Variants in QTGAL observed in about 807,000 individuals in gnomAD.
The protein encoded by QTGAL is queuosine-tRNA galactosyltransferase.
At chr17:83,051,705 C>A in the QTGAL span, 2 of 1,464,042 alleles carry the variant, frequency 1.4e-6, no homozygotes, top group East Asian at 2.9e-5. Flanking sequence ...ACCCAGCCTG[C>A]ACGGCGGGGC....
the QTGAL span, among the ~76,000 whole-genome samples, chr17:83,044,213 A>G: frequency 6.6e-6 from 1 of 152,166 alleles, no homozygotes; most frequent in Non-Finnish European, 1.5e-5. Flanking sequence ...AGCCCTTACA[A>G]ATATATATAT....
At chr17:82,945,175 A>G in the QTGAL span, 1 of 152,250 alleles carries the variant, frequency 6.6e-6, no homozygotes, top group Non-Finnish European at 1.5e-5. Context: ...AGTGAAATGA[A>G]AAGCTCAATG....
chr17:82,993,846 A>T, the QTGAL span, among the ~76,000 whole-genome samples: 4 of 152,146 alleles, frequency 2.6e-5, no homozygotes, highest in Non-Finnish European at 4.4e-5. Flanking sequence ...CTAGAAATCA[A>T]TAAGAGGAAT....
the QTGAL span, among the ~76,000 whole-genome samples, chr17:83,018,875 G>A: frequency 1.3e-5 from 2 of 152,218 alleles, no homozygotes; most frequent in Non-Finnish European, 2.9e-5. Context: ...ATGAGCCTCT[G>A]GGACATGGAG....
chr17:83,025,165 C>T, the QTGAL span, among the ~76,000 whole-genome samples: 8 of 99,680 alleles, frequency 8.0e-5, no homozygotes, highest in Non-Finnish European at 1.8e-4. Context: ...ACAGACACCG[C>T]GGAGTCCACA....
the QTGAL span, among the ~76,000 whole-genome samples, chr17:82,994,312 T>C: frequency 3.9e-5 from 6 of 151,904 alleles, no homozygotes; most frequent in Non-Finnish European, 5.9e-5. Flanking sequence ...AAGAGAGACA[T>C]TACAACTGAT....
At chr17:82,996,214 G>A in the QTGAL span, among the ~76,000 whole-genome samples, 1 of 152,114 alleles carries the variant, frequency 6.6e-6, no homozygotes, top group Non-Finnish European at 1.5e-5. Flanking sequence ...AAATACCAAT[G>A]GCATTCTTCA....
the QTGAL span, chr17:82,956,951 C>T: frequency 1.1e-6 from 1 of 944,860 alleles, no homozygotes; most frequent in Non-Finnish European, 1.6e-6. This position sits in a 1 kb window ranked among gnomAD's most constrained non-coding sequence, Gnocchi z 5.7. Context: ...TCCCGCCACC[C>T]CCGCCTGACA....
At chr17:83,035,031 T>C in the QTGAL span, 17 of 1,598,278 alleles carry the variant, frequency 1.1e-5, no homozygotes, top group Non-Finnish European at 1.5e-5. Flanking sequence ...AGAAAGTTAC[T>C]TACCGAATCC....
chr17:82,944,938 C>CCCCTGAAGTGGCCTGAATTAATACTACCT, the QTGAL span: 2 of 152,200 alleles, frequency 1.3e-5, no homozygotes, highest in African/African-American at 4.8e-5. Context: ...CAATCTATCT[C>CCCCTGAAGTGGCCTGAATTAATACTACCT]CCCTGAAGTG....
the QTGAL span, among the ~76,000 whole-genome samples, chr17:82,954,124 G>C: frequency 3.5e-4 from 53 of 152,258 alleles, no homozygotes; most frequent in African/African-American, 1.2e-3. Context: ...ATTCAACATA[G>C]TATTGGAAGT....
the QTGAL span, among the ~76,000 whole-genome samples, chr17:83,042,458 A>C: frequency 6.6e-6 from 1 of 152,356 alleles, no homozygotes; most frequent in South Asian, 2.1e-4. Context: ...TACATGATTG[A>C]AGCTAAGTGT....
the QTGAL span, among the ~76,000 whole-genome samples, chr17:82,974,856 G>C: frequency 6.6e-6 from 1 of 152,222 alleles, no homozygotes; most frequent in Non-Finnish European, 1.5e-5. Flanking sequence ...GGCAAAGAAC[G>C]TGGGGCTGGG....
At chr17:83,026,581 CA>C in the QTGAL span, among the ~76,000 whole-genome samples, 6 of 34,816 alleles carry the variant, frequency 1.7e-4, no homozygotes, top group South Asian at 1.1e-3. Context: ...CAGAGCAGGG[CA>C]GGGAGCCTGC....
the QTGAL span, chr17:82,957,632 G>A: frequency 4.8e-6 from 6 of 1,250,758 alleles, no homozygotes; most frequent in Admixed American, 2.7e-5. Context: ...AGAGAGACTG[G>A]CTGTCCTACA....
the QTGAL span, chr17:82,947,196 G>A: frequency 1.9e-6 from 1 of 513,770 alleles, no homozygotes; most frequent in Admixed American, 3.6e-5. Context: ...GTCACCAGAG[G>A]GGAGGCCCCC....
chr17:82,953,829 GCAAGGCTGGTT>G, the QTGAL span, among the ~76,000 whole-genome samples: 2 of 152,196 alleles, frequency 1.3e-5, no homozygotes, highest in African/African-American at 2.4e-5. Context: ...TCCCTGGGAT[GCAAGGCTGGTT>G]CAATATACGC....
the QTGAL span, among the ~76,000 whole-genome samples, chr17:83,007,532 G>A: frequency 2.0e-5 from 3 of 152,098 alleles, no homozygotes; most frequent in Non-Finnish European, 4.4e-5. Flanking sequence ...CACAAACACC[G>A]AGACCCTGAG....
the QTGAL span, among the ~76,000 whole-genome samples, chr17:82,991,377 A>G: frequency 6.6e-6 from 1 of 152,200 alleles, no homozygotes; most frequent in Non-Finnish European, 1.5e-5. Flanking sequence ...ATGGTAGTGA[A>G]TAAGTCTCAC....
Sources: gnomAD v4.1 joint callset for allele counts (sites outside exome capture counted in the v4.1 genomes callset) on GRCh38, gnomAD v4.1.1 for gene constraint, Gnocchi (gnomAD v3.1) non-coding constraint, MANE v1.5 for transcripts, NCBI Gene and HGNC (gene_info 2026-07-23, HGNC 2026-07-21) for gene names.